Variants in FARS2 observed in about 807,000 individuals in gnomAD.
The protein encoded by FARS2 is phenylalanine--tRNA ligase, mitochondrial.
In FARS2, 40 loss-of-function variants were observed where a neutral mutation model predicts 46.4. That is an observed-to-expected ratio of 0.86 (90% CI 0.67 to 1.12). The LOEUF (loss-of-function observed/expected upper bound fraction) is 1.12. FARS2 is among the 50% of genes most tolerant of loss of function. The pLI, the probability that FARS2 is intolerant of heterozygous loss-of-function variation, is 0.00. For synonymous variants in FARS2, 234 were observed against 214.9 expected (o/e 1.09, Z -0.78); for missense variants, 513 against 567.9 (o/e 0.90, Z 0.98).
At chr6:5,530,324 A>C (rs1373458954) in intron 4 of FARS2, among the ~76,000 whole-genome samples, 4 of 152,212 alleles carry the variant, frequency 2.6e-5, no homozygotes, top group African/African-American at 9.6e-5. Flanking sequence ...CTTATAAGAT[A>C]AAGGAAAGCT....
chr6:5,418,499 C>G (rs898941578), intron 3 of FARS2, among the ~76,000 whole-genome samples: 2 of 152,174 alleles, frequency 1.3e-5, no homozygotes, highest in Non-Finnish European at 2.9e-5. Flanking sequence ...ATGAGGTTTT[C>G]CCCTTGGCTG....
chr6:5,635,777 A>G (rs915834511), intron 6 of FARS2, among the ~76,000 whole-genome samples: 3 of 152,220 alleles, frequency 2.0e-5, no homozygotes, highest in East Asian at 1.9e-4. Context: ...CATGGAGTCT[A>G]CATGGCAAAG....
chr6:5,730,656 G>A (rs1027269610), intron 6 of FARS2, among the ~76,000 whole-genome samples: 4 of 152,124 alleles, frequency 2.6e-5, no homozygotes, highest in South Asian at 2.1e-4. Flanking sequence ...CTCCTAAGAG[G>A]AGCAAAATAT....
intron 4 of FARS2, among the ~76,000 whole-genome samples, chr6:5,487,387 A>G (rs527984596): frequency 6.6e-6 from 1 of 152,354 alleles, no homozygotes; most frequent in South Asian, 2.1e-4. Flanking sequence ...AAGTGATAAT[A>G]GAACCAACCA....
At chr6:5,456,002 A>G (rs1764831762) in intron 4 of FARS2, among the ~76,000 whole-genome samples, 1 of 152,156 alleles carries the variant, frequency 6.6e-6, no homozygotes, top group South Asian at 2.1e-4. Flanking sequence ...AAATTGCTTG[A>G]GCCCAGGAGT....
chr6:5,501,845 G>T (rs569841761), intron 4 of FARS2, among the ~76,000 whole-genome samples: 4 of 152,300 alleles, frequency 2.6e-5, no homozygotes, highest in East Asian at 3.9e-4. Context: ...ATTAAAATAT[G>T]CCAGAATGGG....
intron 6 of FARS2, among the ~76,000 whole-genome samples, chr6:5,742,867 G>A (rs1761430162): frequency 6.6e-6 from 1 of 152,074 alleles, no homozygotes; most frequent in South Asian, 2.1e-4. Context: ...AAAGGAGCAA[G>A]TATCCACAGC....
At chr6:5,530,629 CTT>C (rs1273631501) in intron 4 of FARS2, among the ~76,000 whole-genome samples, 1 of 147,692 alleles carries the variant, frequency 6.8e-6, no homozygotes, top group Non-Finnish European at 1.5e-5. Context: ...TCTCAGATGA[CTT>C]AAATTATTGT....
intron 1 of FARS2, among the ~76,000 whole-genome samples, chr6:5,326,829 A>T (rs1770424527): frequency 6.6e-6 from 1 of 152,194 alleles, no homozygotes; most frequent in African/African-American, 2.4e-5. Context: ...TTCTAGAGGC[A>T]ATATTTGGAA....
chr6:5,468,353 T>TAAAAAAA (rs531163302), intron 4 of FARS2, among the ~76,000 whole-genome samples: 1 of 103,264 alleles, frequency 9.7e-6, no homozygotes, highest in African/African-American at 3.7e-5. Flanking sequence ...CTGGTAAAAG[T>TAAAAAAA]AAAAAAAAAA....
At chr6:5,561,327 G>A (rs545056261) in intron 5 of FARS2, among the ~76,000 whole-genome samples, 1 of 152,130 alleles carries the variant, frequency 6.6e-6, no homozygotes, top group South Asian at 2.1e-4. Context: ...TCTTAATGAA[G>A]TATATTGTTT....
intron 6 of FARS2, among the ~76,000 whole-genome samples, chr6:5,758,871 G>A (rs1762346304): frequency 6.6e-6 from 1 of 152,120 alleles, no homozygotes; most frequent in South Asian, 2.1e-4. Context: ...AGTATGTGGG[G>A]TCCTCTTGCC....
In FARS2 at chr6:5,764,888, T is replaced by C. The variant is rs1001129020; in HGVS notation, c.1218-6403T>C. On this transcript the variant is annotated intron_variant, in intron 6 of 6. Coordinates refer to ENST00000274680, the MANE Select transcript of FARS2 (RefSeq NM_006567.5). This position sits in a 1 kb window ranked among gnomAD's most constrained non-coding sequence, Gnocchi z 4.1. ...CAGCTTTCCAATAAGGCTTGAGAGTTCTTTAGAAAATCTCCTTCTTGGCAC... is the reference window on the plus strand; with the variant it reads ...CAGCTTTCCAATAAGGCTTGAGAGTCCTTTAGAAAATCTCCTTCTTGGCAC... 7.2e-5 allele frequency among the ~76,000 whole-genome samples: 11 copies of C among 152,124 alleles called. No individual in the cohort carries two copies. The highest frequency in any genetic ancestry group is 1.3e-4 in the Non-Finnish European group (9 of 67,982).
intron 4 of FARS2, chr6:5,431,872 A>T: frequency 3.6e-6 from 1 of 281,266 alleles, no homozygotes; most frequent in African/African-American, 2.2e-5. Flanking sequence ...TTAAGTCACT[A>T]TCTGAATTGA....
At chr6:5,766,532 C>T (rs913339383) in intron 6 of FARS2, among the ~76,000 whole-genome samples, 2 of 152,230 alleles carry the variant, frequency 1.3e-5, no homozygotes, top group Non-Finnish European at 2.9e-5. Context: ...TTTAACAGAA[C>T]AGTTAAAAGA....
chr6:5,607,638 T>C (rs1031069072), intron 5 of FARS2, among the ~76,000 whole-genome samples: 2 of 152,056 alleles, frequency 1.3e-5, no homozygotes, highest in African/African-American at 4.8e-5. Context: ...TGTTTTAGTC[T>C]CCACAGAATT....
intron 4 of FARS2, among the ~76,000 whole-genome samples, chr6:5,472,448 A>G (rs1409812652): frequency 6.6e-6 from 1 of 152,172 alleles, no homozygotes; most frequent in East Asian, 1.9e-4. Flanking sequence ...GAAAAATGGG[A>G]AAACAAAAAG....
chr6:5,326,243 A>G (rs1770371635), intron 1 of FARS2, among the ~76,000 whole-genome samples: 1 of 152,130 alleles, frequency 6.6e-6, no homozygotes, highest in South Asian at 2.1e-4. Context: ...TGTGCAACTC[A>G]CTGGATTTAG....
chr6:5,496,481 A>G (rs1011250882), intron 4 of FARS2, among the ~76,000 whole-genome samples: 2 of 152,230 alleles, frequency 1.3e-5, no homozygotes, highest in Non-Finnish European at 2.9e-5. Flanking sequence ...TACGGGTGCC[A>G]TAACAAATAC....
Sources: gnomAD v4.1 joint callset for allele counts (sites outside exome capture counted in the v4.1 genomes callset) on GRCh38, gnomAD v4.1.1 for gene constraint, Gnocchi (gnomAD v3.1) non-coding constraint, MANE v1.5 for transcripts, NCBI Gene and HGNC (gene_info 2026-07-23, HGNC 2026-07-21) for gene names.